Variants in ASIC2 observed in about 807,000 individuals in gnomAD.
The protein encoded by ASIC2 is acid sensing ion channel subunit 2.
A neutral mutation model predicts 57.3 loss-of-function variants in ASIC2; 25 were observed. The ratio of observed to expected loss-of-function variants is 0.44; its 90% CI spans 0.32 to 0.61. The LOEUF (loss-of-function observed/expected upper bound fraction) is 0.61. Ranked by LOEUF, ASIC2 falls within the 20% of genes least tolerant of loss-of-function variation. ASIC2 has a pLI of 0.06. For missense variants in ASIC2, 641 were observed against 738.1 expected, an observed-to-expected ratio of 0.87 and a Z score of 1.52; for synonymous variants, 319 against 307.5, an observed-to-expected ratio of 1.04 and a Z score of -0.39.
At chr17:33,450,465 C>T (rs527608062) in intron 1 of ASIC2, among the ~76,000 whole-genome samples, 8 of 152,042 alleles carry the variant, frequency 5.3e-5, no homozygotes, top group Admixed American at 2.0e-4. Context: ...CAGTGGTGGC[C>T]GATGGCTAAC....
intron 1 of ASIC2, among the ~76,000 whole-genome samples, chr17:33,856,883 A>T (rs1913970839): frequency 6.6e-6 from 1 of 152,064 alleles, no homozygotes; most frequent in East Asian, 1.9e-4. Context: ...AACGGTGGCC[A>T]GGGGCCGGGT....
intron 1 of ASIC2, among the ~76,000 whole-genome samples, chr17:33,567,295 A>C (rs1916264740): frequency 6.6e-6 from 1 of 152,160 alleles, no homozygotes; most frequent in East Asian, 1.9e-4. Flanking sequence ...CCCCAGGGTG[A>C]GAACAATTCT....
At chr17:33,717,188 A>G (rs190248100) in intron 1 of ASIC2, among the ~76,000 whole-genome samples, 2 of 152,376 alleles carry the variant, frequency 1.3e-5, no homozygotes, top group African/African-American at 4.8e-5. Flanking sequence ...AAAGGGTGTA[A>G]TTACCATTTC....
chr17:34,117,328 A>C (rs1911456858), intron 1 of ASIC2, among the ~76,000 whole-genome samples: 1 of 152,212 alleles, frequency 6.6e-6, no homozygotes, highest in Admixed American at 6.5e-5. Context: ...GCCAGAGCAC[A>C]GGGAGGGCAG....
chr17:33,615,302 C>T (rs899552337), intron 1 of ASIC2, among the ~76,000 whole-genome samples: 4 of 152,136 alleles, frequency 2.6e-5, no homozygotes, highest in African/African-American at 9.7e-5. Flanking sequence ...TTAAAAGTAC[C>T]TGTTATTTCC....
At chr17:33,193,939 T>A (rs1230962344) in intron 1 of ASIC2, among the ~76,000 whole-genome samples, 2 of 152,176 alleles carry the variant, frequency 1.3e-5, no homozygotes, top group Non-Finnish European at 2.9e-5. Context: ...CTGGGAATAC[T>A]TTCTAGTATA....
intron 1 of ASIC2, among the ~76,000 whole-genome samples, chr17:33,253,007 T>C (rs1400636171): frequency 6.6e-6 from 1 of 152,222 alleles, no homozygotes; most frequent in East Asian, 1.9e-4. Context: ...CATTTGTATG[T>C]TAAGCTCCAA....
At chr17:33,521,382 T>C (rs560637011) in intron 1 of ASIC2, among the ~76,000 whole-genome samples, 445 of 152,284 alleles carry the variant, frequency 2.9e-3, no homozygotes, top group Non-Finnish European at 4.6e-3. Flanking sequence ...TGCTGACAGT[T>C]ATTCACTCTG....
intron 1 of ASIC2, among the ~76,000 whole-genome samples, chr17:33,316,380 T>C (rs1396424583): frequency 6.6e-6 from 1 of 152,226 alleles, no homozygotes; most frequent in Admixed American, 6.5e-5. Flanking sequence ...CTCCAACAAG[T>C]GCTCTGCGTT....
chr17:33,165,914 T>C (rs906776037), intron 1 of ASIC2, among the ~76,000 whole-genome samples: 9 of 152,132 alleles, frequency 5.9e-5, no homozygotes, highest in East Asian at 3.9e-4. Flanking sequence ...TGGAGACCAA[T>C]TGACATATTC....
chr17:33,111,752 T>A, intron 2 of ASIC2, 165 bp downstream of exon 2: 1 of 1,013,490 alleles, frequency 9.9e-7, no homozygotes, highest in Non-Finnish European at 1.4e-6. Flanking sequence ...ACCCAGGGCA[T>A]CCCAGCCCAA....
At chr17:33,879,896 A>T (rs1914656645) in intron 1 of ASIC2, among the ~76,000 whole-genome samples, 1 of 152,238 alleles carries the variant, frequency 6.6e-6, no homozygotes, top group Non-Finnish European at 1.5e-5. Context: ...AGAAATTGTA[A>T]CAAACTGTCT....
intron 1 of ASIC2, among the ~76,000 whole-genome samples, chr17:33,370,262 T>C (rs1363199417): frequency 2.0e-5 from 3 of 152,172 alleles, no homozygotes; most frequent in Non-Finnish European, 2.9e-5. Context: ...CAGCATGTTC[T>C]CCTCACAATG....
chr17:33,326,860 C>T (rs1297098236), intron 1 of ASIC2, among the ~76,000 whole-genome samples: 2 of 152,210 alleles, frequency 1.3e-5, no homozygotes, highest in East Asian at 1.9e-4. Context: ...TCCACACCCA[C>T]AACACTGCTC....
chr17:34,130,831 G>A (rs73282442), intron 1 of ASIC2, among the ~76,000 whole-genome samples: 2,782 of 152,332 alleles, frequency 0.018, 92 homozygotes, highest in African/African-American at 0.063. Flanking sequence ...ATGGGTTTCA[G>A]GGGAAGGGAA....
At chr17:33,637,704 C>T (rs1365299645) in intron 1 of ASIC2, among the ~76,000 whole-genome samples, 1 of 152,198 alleles carries the variant, frequency 6.6e-6, no homozygotes, top group Non-Finnish European at 1.5e-5. Context: ...AAACCACATC[C>T]TTGTCAACAT....
At chr17:33,168,860 T>C (rs1905401793) in intron 1 of ASIC2, among the ~76,000 whole-genome samples, 1 of 152,142 alleles carries the variant, frequency 6.6e-6, no homozygotes, top group East Asian at 1.9e-4. Flanking sequence ...AAAGCATTTT[T>C]AGGAGAGCAA....
chr17:34,095,787 G>A (rs986465813), intron 1 of ASIC2, among the ~76,000 whole-genome samples: 1 of 148,508 alleles, frequency 6.7e-6, no homozygotes, highest in Non-Finnish European at 1.5e-5. Flanking sequence ...TAATGTAGGG[G>A]AAGGCAGTTA....
In ASIC2 at chr17:33,636,961, C is replaced by G. The variant is rs140276915; in HGVS notation, c.555+519017G>C. 6.6e-3 allele frequency among the ~76,000 whole-genome samples: 1,000 copies of G among 152,220 alleles called. 17 individuals carry two copies. The highest frequency in any genetic ancestry group is 0.022 in the African/African-American group (916 of 41,530). ...AAAGGGGAGGTGTACTCTAGACCCTCCAGCAGGCTGACCAAAGAAACTTCT... is the reference window on the plus strand; with the variant it reads ...AAAGGGGAGGTGTACTCTAGACCCTGCAGCAGGCTGACCAAAGAAACTTCT... On this transcript the variant is annotated intron_variant, in intron 1 of 9. Coordinates refer to the ASIC2 transcript ENST00000359872.
Sources: gnomAD v4.1 joint callset for allele counts (sites outside exome capture counted in the v4.1 genomes callset) on GRCh38, gnomAD v4.1.1 for gene constraint, MANE v1.5 for transcripts, NCBI Gene and HGNC (gene_info 2026-07-23, HGNC 2026-07-21) for gene names.